RPS6KC1: variants seen among roughly 807,000 people sequenced by gnomAD.
RPS6KC1 encodes the protein inactive ribosomal protein S6 kinase delta-1.
In RPS6KC1, 54 loss-of-function variants were observed where a neutral mutation model predicts 103.8. That is an observed-to-expected ratio of 0.52 (90% CI 0.42 to 0.65). RPS6KC1 has a LOEUF of 0.65. Among genes scored for constraint, RPS6KC1 ranks in the 30% least tolerant of loss-of-function variants. The pLI is 0.00. For missense variants in RPS6KC1, 1,151 were observed against 1,253.8 expected, an observed-to-expected ratio of 0.92 and a Z score of 1.24; for synonymous variants, 439 against 438.7, an observed-to-expected ratio of 1.00 and a Z score of -0.01.
intron 6 of RPS6KC1, among the ~76,000 whole-genome samples, chr1:213,145,039 C>T (rs980922036): frequency 2.0e-5 from 3 of 152,084 alleles, no homozygotes; most frequent in South Asian, 2.1e-4. Context: ...CGCGCCACTG[C>T]GCTCCAGCCT....
At chr1:213,764,666 A>G in the RPS6KC1 span, among the ~76,000 whole-genome samples, 1 of 152,142 alleles carries the variant, frequency 6.6e-6, no homozygotes, top group African/African-American at 2.4e-5. Flanking sequence ...TCTTGGGGAC[A>G]GGGAGTCAGG....
the RPS6KC1 span, among the ~76,000 whole-genome samples, chr1:213,456,981 A>G: frequency 6.6e-6 from 1 of 152,220 alleles, no homozygotes; most frequent in Non-Finnish European, 1.5e-5. Context: ...AAATGGCAGA[A>G]GTTTCTAAAT....
chr1:213,732,121 C>A, the RPS6KC1 span, among the ~76,000 whole-genome samples: 2 of 151,632 alleles, frequency 1.3e-5, no homozygotes, highest in Admixed American at 6.6e-5. Context: ...GAAAAAAAAA[C>A]CAAATACATT....
intron 6 of RPS6KC1, among the ~76,000 whole-genome samples, chr1:213,161,777 A>C (rs1234150474): frequency 1.3e-5 from 2 of 152,246 alleles, no homozygotes; most frequent in African/African-American, 4.8e-5. Flanking sequence ...CTGAAACTTC[A>C]TGGGTTGAGA....
chr1:213,521,714 G>A, the RPS6KC1 span, among the ~76,000 whole-genome samples: 2 of 152,148 alleles, frequency 1.3e-5, no homozygotes, highest in Non-Finnish European at 2.9e-5. Context: ...ACCAGGAATA[G>A]ATTTCATTTC....
the RPS6KC1 span, among the ~76,000 whole-genome samples, chr1:213,739,068 A>G: frequency 3.3e-5 from 5 of 152,052 alleles, no homozygotes; most frequent in Non-Finnish European, 7.4e-5. Flanking sequence ...TTTGAACTGC[A>G]TGGGTCCACT....
At chr1:213,336,534 G>A in the RPS6KC1 span, among the ~76,000 whole-genome samples, 1 of 152,166 alleles carries the variant, frequency 6.6e-6, no homozygotes, top group Non-Finnish European at 1.5e-5. Flanking sequence ...GGGTCATAGA[G>A]TCATTATTTG....
At chr1:213,217,668 T>C (rs2093703988) in intron 8 of RPS6KC1, among the ~76,000 whole-genome samples, 1 of 152,186 alleles carries the variant, frequency 6.6e-6, no homozygotes, top group Non-Finnish European at 1.5e-5. Context: ...AGAAAGCTTA[T>C]CCACCATGAT....
the RPS6KC1 span, among the ~76,000 whole-genome samples, chr1:213,507,045 GAATGATTCTGTA>G: frequency 1.3e-5 from 2 of 152,172 alleles, no homozygotes; most frequent in African/African-American, 4.8e-5. Context: ...TGACCAATGT[GAATGATTCTGTA>G]AGATGTATCT....
chr1:213,562,048 T>C, the RPS6KC1 span, among the ~76,000 whole-genome samples: 1 of 152,200 alleles, frequency 6.6e-6, no homozygotes, highest in Non-Finnish European at 1.5e-5. Flanking sequence ...TATAAAATGC[T>C]AGCTGTTAGC....
At chr1:213,397,588 TACACACACACACACACACAC>T in the RPS6KC1 span, among the ~76,000 whole-genome samples, 5 of 140,468 alleles carry the variant, frequency 3.6e-5, no homozygotes, top group South Asian at 2.4e-4. Flanking sequence ...CAGGAACACA[TACACACACACACACACACAC>T]ACACACACAC....
intron 6 of RPS6KC1, among the ~76,000 whole-genome samples, chr1:213,152,358 GC>G (rs2089240386): frequency 6.8e-6 from 1 of 146,506 alleles, no homozygotes; most frequent in Non-Finnish European, 1.5e-5. Flanking sequence ...CCCGGACGGG[GC>G]GGCTGATGGG....
At chr1:213,742,167 A>T in the RPS6KC1 span, among the ~76,000 whole-genome samples, 19 of 152,314 alleles carry the variant, frequency 1.2e-4, no homozygotes, top group South Asian at 1.2e-3. Flanking sequence ...TATAATAAAA[A>T]ATAAAAGAAA....
At chr1:213,810,469 G>T in the RPS6KC1 span, among the ~76,000 whole-genome samples, 1,020 of 152,302 alleles carry the variant, frequency 6.7e-3, 15 homozygotes, top group African/African-American at 0.023. Context: ...CGAATTGGAA[G>T]AAGATACAGA....
At chr1:213,124,949 T>C (rs897101479) in intron 5 of RPS6KC1, among the ~76,000 whole-genome samples, 2 of 152,176 alleles carry the variant, frequency 1.3e-5, no homozygotes, top group Non-Finnish European at 2.9e-5. Context: ...TACTTGTGTC[T>C]AACTCCTTTT....
the RPS6KC1 span, among the ~76,000 whole-genome samples, chr1:213,535,487 G>A: frequency 1.3e-5 from 2 of 152,160 alleles, no homozygotes; most frequent in Admixed American, 6.5e-5. Flanking sequence ...GGCCCTGGGA[G>A]CCCCTCAGTC....
the RPS6KC1 span, among the ~76,000 whole-genome samples, chr1:213,398,187 A>G: frequency 6.1e-5 from 8 of 130,370 alleles, no homozygotes; most frequent in African/African-American, 2.4e-4. Context: ...ACTCACCACC[A>G]CACCTGGCCT....
chr1:213,789,304 G>A, the RPS6KC1 span, among the ~76,000 whole-genome samples: 1 of 152,084 alleles, frequency 6.6e-6, no homozygotes, highest in Non-Finnish European at 1.5e-5. Flanking sequence ...CGGCACCTTG[G>A]ATACTTCTTG....
At chr1:213,760,132 A>G in the RPS6KC1 span, among the ~76,000 whole-genome samples, 4 of 141,564 alleles carry the variant, frequency 2.8e-5, no homozygotes, top group African/African-American at 1.3e-4. Context: ...CTTCTTCTGG[A>G]AAAAAGGGCT....
Sources: gnomAD v4.1 joint callset for allele counts (sites outside exome capture counted in the v4.1 genomes callset) on GRCh38, gnomAD v4.1.1 for gene constraint, MANE v1.5 for transcripts, NCBI Gene and HGNC (gene_info 2026-07-23, HGNC 2026-07-21) for gene names.